Variants in EVL observed in about 807,000 individuals in gnomAD.
EVL encodes Enah/Vasp-like.
EVL carries 21 observed loss-of-function variants against 59.6 expected under a neutral mutation model. The observed-to-expected ratio is 0.35, with a 90% CI of 0.25 to 0.51. The LOEUF (loss-of-function observed/expected upper bound fraction) is 0.51, where lower values mean the gene tolerates loss of function less well. Among genes scored for constraint, EVL ranks in the 20% least tolerant of loss-of-function variants. The pLI is 0.97. For missense variants in EVL, 462 were observed against 546.6 expected (o/e 0.85, Z 1.54); for synonymous variants, 198 against 203.5 (o/e 0.97, Z 0.23).
intron 1 of EVL, among the ~76,000 whole-genome samples, chr14:100,017,443 C>A (rs1263410775): frequency 2.0e-5 from 3 of 152,170 alleles, no homozygotes; most frequent in Admixed American, 2.0e-4. Flanking sequence ...TAGAGATCAT[C>A]TTGTGAGATA....
In EVL at chr14:100,108,842, C is replaced by T. The variant is rs1417375749; in HGVS notation, c.358+11184C>T. Reference sequence around the variant, plus strand: ...TCCTAACAGTCAGCTGCCACTTGGCCTGTCCTGCTATTCCCACTGCATGAA... The same window carrying T: ...TCCTAACAGTCAGCTGCCACTTGGCTTGTCCTGCTATTCCCACTGCATGAA... On this transcript the variant is annotated intron_variant, in intron 3 of 13. Coordinates refer to ENST00000392920, the MANE Select transcript of EVL (RefSeq NM_016337.3). The surrounding 1 kb of genome is among the most constrained non-coding windows in gnomAD (Gnocchi z 4.1). Among the ~76,000 whole-genome samples the T allele has an allele frequency of 6.6e-6, 1 of 152,246 alleles. No individual in the cohort carries two copies. Among genetic ancestry groups the T allele is most frequent in the Non-Finnish European group, 1.5e-5 (1 of 68,042 alleles).
At chr14:100,102,469 T>C (rs188034005) in intron 3 of EVL, 5 of 431,718 alleles carry the variant, frequency 1.2e-5, no homozygotes, top group Admixed American at 9.8e-5. Context: ...GTTGTTATTG[T>C]TATTCGTGTT....
chr14:100,125,680 T>C (rs1379399204), intron 4 of EVL, among the ~76,000 whole-genome samples: 1 of 151,866 alleles, frequency 6.6e-6, no homozygotes, highest in African/African-American at 2.4e-5. Flanking sequence ...CTCAGCCCCT[T>C]GAGTAGCTGG....
intron 3 of EVL, among the ~76,000 whole-genome samples, chr14:100,120,759 G>A (rs1182585303): frequency 6.6e-6 from 1 of 152,154 alleles, no homozygotes; most frequent in Admixed American, 6.5e-5. Context: ...TTATTCAATG[G>A]AGCCTGGACC....
intron 2 of EVL, among the ~76,000 whole-genome samples, chr14:100,094,038 G>C (rs1885627467): frequency 6.6e-6 from 1 of 152,070 alleles, no homozygotes; most frequent in South Asian, 2.1e-4. Context: ...AGTCTATATA[G>C]GGTTCTGTAC....
At chr14:100,125,089 G>C (rs1052545172) in intron 4 of EVL, among the ~76,000 whole-genome samples, 3 of 116,150 alleles carry the variant, frequency 2.6e-5, no homozygotes, top group Non-Finnish European at 3.6e-5. Flanking sequence ...ACCACACACA[G>C]ACACAGACAC....
chr14:100,067,272 C>A (rs1045451607), intron 1 of EVL, among the ~76,000 whole-genome samples: 1 of 152,248 alleles, frequency 6.6e-6, no homozygotes, highest in East Asian at 1.9e-4. Flanking sequence ...ATGGGGATAC[C>A]GTGGCGCCTG....
chr14:100,067,493 T>C (rs1158484438), intron 1 of EVL, among the ~76,000 whole-genome samples: 7 of 152,202 alleles, frequency 4.6e-5, no homozygotes, highest in Admixed American at 4.6e-4. Context: ...CGTTTTTGTT[T>C]TTGTATTTTT....
intron 1 of EVL, among the ~76,000 whole-genome samples, chr14:100,050,439 T>C (rs977666063): frequency 2.0e-5 from 3 of 151,510 alleles, no homozygotes; most frequent in Non-Finnish European, 4.4e-5. Flanking sequence ...CAACTCCACC[T>C]CCTGGGTTCA....
At chr14:100,077,476 A>G (rs1444070072) in intron 1 of EVL, among the ~76,000 whole-genome samples, 1 of 152,230 alleles carries the variant, frequency 6.6e-6, no homozygotes, top group African/African-American at 2.4e-5. Context: ...AGTTAGAAAT[A>G]TGGCTCCACA....
intron 1 of EVL, among the ~76,000 whole-genome samples, chr14:100,030,435 TA>T (rs1233494141): frequency 6.6e-6 from 1 of 152,214 alleles, no homozygotes; most frequent in Non-Finnish European, 1.5e-5. Flanking sequence ...AGATACTCAA[TA>T]AATTAATTCT....
chr14:100,073,336 T>TGG (rs1175877749), intron 1 of EVL, among the ~76,000 whole-genome samples: 4 of 149,590 alleles, frequency 2.7e-5, no homozygotes, highest in African/African-American at 7.5e-5. Flanking sequence ...TTTTTTTTTT[T>TGG]GGGGAGACAG....
chr14:100,072,281 T>C (rs529647574), intron 1 of EVL, among the ~76,000 whole-genome samples: 41 of 152,298 alleles, frequency 2.7e-4, no homozygotes, highest in African/African-American at 9.9e-4. Flanking sequence ...CTGGAGTGCA[T>C]TGGAGCTATC....
In EVL at chr14:100,138,002, C is replaced by A. The variant is rs996299989; in HGVS notation, c.1094+200C>A. On this transcript the variant is annotated intron_variant, in intron 11 of 13. Coordinates refer to ENST00000392920, the MANE Select transcript of EVL (RefSeq NM_016337.3). ...CCGTCTTTTCCCTCTGAGAGAGAGA[C>A]CAAGGGCAAGGAGGGCAGTGACCTG... The A allele has an allele frequency of 8.1e-6, 5 of 613,674 alleles. No homozygotes were observed. The African/African-American group carries it at 9.2e-5, about 11-fold the overall frequency. The allele number at this position is 613,674 out of a possible 1,614,324, so 38.0% of individuals were successfully genotyped here.
At chr14:100,121,633 G>A (rs1344825942) in intron 3 of EVL, among the ~76,000 whole-genome samples, 1 of 152,172 alleles carries the variant, frequency 6.6e-6, no homozygotes, top group Non-Finnish European at 1.5e-5. Flanking sequence ...GGAAGGGCCA[G>A]GGCTCCTATT....
intron 1 of EVL, among the ~76,000 whole-genome samples, chr14:100,042,743 G>C (rs560221543): frequency 6.6e-6 from 1 of 152,304 alleles, no homozygotes. Context: ...AACGTTTGTG[G>C]AGGCTAAAGC....
At chr14:99,993,247 A>G (rs1277240151) in intron 1 of EVL, among the ~76,000 whole-genome samples, 2 of 151,752 alleles carry the variant, frequency 1.3e-5, no homozygotes, top group Non-Finnish European at 2.9e-5. Context: ...TTTAGTAGAG[A>G]CAGGGTTTCA....
intron 1 of EVL, among the ~76,000 whole-genome samples, chr14:100,022,101 G>A (rs1352891307): frequency 6.6e-6 from 1 of 151,912 alleles, no homozygotes; most frequent in African/African-American, 2.4e-5. Flanking sequence ...AATTAAATGG[G>A]ATAATATAAA....
chr14:100,126,909 C>T (rs1403318619), intron 5 of EVL, 138 bp downstream of exon 5: 6 of 726,142 alleles, frequency 8.3e-6, no homozygotes, highest in Non-Finnish European at 1.4e-5. Flanking sequence ...GCAACCACCA[C>T]TTCAGATGGT....
Sources: allele counts gnomAD v4.1 joint callset (sites outside exome capture counted in the v4.1 genomes callset), GRCh38; gene constraint gnomAD v4.1.1; non-coding constraint Gnocchi (gnomAD v3.1); transcripts MANE v1.5; gene names NCBI Gene and HGNC (gene_info 2026-07-23, HGNC 2026-07-21).